Variants in NBAS observed in about 807,000 individuals in gnomAD.
NBAS encodes NBAS subunit of NRZ tethering complex, also known as NAG/BC035112 fusion.
In NBAS, 219 loss-of-function variants were observed where a neutral mutation model predicts 302.5. The observed-to-expected ratio is 0.72, with a 90% CI of 0.65 to 0.81. The LOEUF is 0.81. Among genes scored for constraint, NBAS ranks in the 30% least tolerant of loss-of-function variants. The probability of loss-of-function intolerance (pLI) is 0.00; values close to 1 mark genes in which losing one functional copy is unlikely to be tolerated. For synonymous variants in NBAS, 1,118 were observed against 1,021.6 expected (o/e 1.09, Z -1.80); for missense variants, 2,932 against 2,841.6 (o/e 1.03, Z -0.72).
the NBAS span, among the ~76,000 whole-genome samples, chr2:14,975,986 G>A: frequency 1.3e-5 from 2 of 152,070 alleles, no homozygotes; most frequent in Non-Finnish European, 2.9e-5. Flanking sequence ...ACTGTAAACA[G>A]CTATAAAACT....
At chr2:14,883,586 G>A in the NBAS span, among the ~76,000 whole-genome samples, 2 of 152,132 alleles carry the variant, frequency 1.3e-5, no homozygotes, top group African/African-American at 4.8e-5. Context: ...TTGGAGTCAA[G>A]AAATAAGAAT....
At chr2:15,006,698 C>T in the NBAS span, among the ~76,000 whole-genome samples, 3 of 152,082 alleles carry the variant, frequency 2.0e-5, no homozygotes, top group South Asian at 4.1e-4. Context: ...ATTAAAAATA[C>T]GATTTTTAAA....
the NBAS span, among the ~76,000 whole-genome samples, chr2:14,944,493 T>C: frequency 2.0e-5 from 3 of 152,162 alleles, no homozygotes; most frequent in Non-Finnish European, 4.4e-5. Flanking sequence ...CAGCCCATCA[T>C]TGATACAGCT....
intron 21 of NBAS, among the ~76,000 whole-genome samples, chr2:15,440,232 C>T (rs922832353): frequency 2.6e-5 from 4 of 152,214 alleles, no homozygotes; most frequent in African/African-American, 7.2e-5. Flanking sequence ...CCCTGACCCC[C>T]GAGCAGCCTA....
At chr2:15,486,724 T>G (rs1235882917) in intron 12 of NBAS, among the ~76,000 whole-genome samples, 2 of 152,086 alleles carry the variant, frequency 1.3e-5, no homozygotes, top group Non-Finnish European at 2.9e-5. Context: ...GGTTTTAAGG[T>G]TTTTAAACAA....
chr2:15,015,841 T>C, the NBAS span, among the ~76,000 whole-genome samples: 2 of 151,982 alleles, frequency 1.3e-5, no homozygotes, highest in African/African-American at 2.4e-5. Context: ...AAGAAGGAAG[T>C]CACATTGTCC....
intron 9 of NBAS, 136 bp downstream of exon 9, chr2:15,534,407 T>C (rs1170444403): frequency 2.7e-6 from 2 of 735,010 alleles, no homozygotes; most frequent in Admixed American, 3.9e-5. Context: ...GACAACAGTA[T>C]TATAGATATT....
chr2:15,199,533 T>C (rs1472789768), intron 48 of NBAS, among the ~76,000 whole-genome samples: 1 of 152,168 alleles, frequency 6.6e-6, no homozygotes, highest in African/African-American at 2.4e-5. Flanking sequence ...GAAATTACTA[T>C]AGAATATATT....
At chr2:15,280,943 C>T (rs969015698) in intron 42 of NBAS, among the ~76,000 whole-genome samples, 5 of 152,162 alleles carry the variant, frequency 3.3e-5, no homozygotes, top group East Asian at 1.9e-4. Context: ...CAGCTGAATA[C>T]GTGATTTCTC....
At chr2:15,131,710 C>T in the NBAS span, among the ~76,000 whole-genome samples, 736 of 152,228 alleles carry the variant, frequency 4.8e-3, 6 homozygotes, top group African/African-American at 0.017. Flanking sequence ...AAGAAATACC[C>T]GAGACTGGTA....
At chr2:15,276,734 A>T (rs1195618955) in intron 43 of NBAS, 117 bp downstream of exon 43, 1 of 1,492,010 alleles carries the variant, frequency 6.7e-7, no homozygotes, top group Non-Finnish European at 9.3e-7. Context: ...ATTAGCTTCA[A>T]AATTCTGTGG....
the NBAS span, among the ~76,000 whole-genome samples, chr2:15,108,834 G>T: frequency 6.6e-6 from 1 of 152,064 alleles, no homozygotes. Context: ...TATCATCCAG[G>T]AAGCCAAGTA....
chr2:14,907,082 T>C, the NBAS span, among the ~76,000 whole-genome samples: 1 of 152,220 alleles, frequency 6.6e-6, no homozygotes, highest in Admixed American at 6.5e-5. Flanking sequence ...TGCATTTGCT[T>C]CCTGCGTTTC....
the NBAS span, among the ~76,000 whole-genome samples, chr2:14,789,065 G>A: frequency 2.4e-4 from 37 of 152,334 alleles, no homozygotes; most frequent in South Asian, 8.3e-4. Context: ...CCTCGCTGCC[G>A]CCTTGCAGTT....
At chr2:15,326,914 A>G (rs1231048695) in intron 38 of NBAS, among the ~76,000 whole-genome samples, 2 of 152,158 alleles carry the variant, frequency 1.3e-5, no homozygotes, top group East Asian at 3.9e-4. Flanking sequence ...AATAAGCTAT[A>G]GTATCAGCTT....
chr2:15,520,266 G>T (rs1474635407), intron 9 of NBAS, among the ~76,000 whole-genome samples: 2 of 152,134 alleles, frequency 1.3e-5, no homozygotes, highest in Admixed American at 1.3e-4. Context: ...GCTGGATGTT[G>T]TGACATGTGC....
chr2:15,527,542 C>T (rs945183701), intron 9 of NBAS, among the ~76,000 whole-genome samples: 1 of 152,096 alleles, frequency 6.6e-6, no homozygotes, highest in African/African-American at 2.4e-5. Context: ...AACACTGTGC[C>T]CTCACATGGC....
At chr2:14,990,373 G>A in the NBAS span, among the ~76,000 whole-genome samples, 289 of 151,568 alleles carry the variant, frequency 1.9e-3, 2 homozygotes, top group Non-Finnish European at 2.5e-4. Flanking sequence ...GCAGGGAGCC[G>A]AGATCATGCC....
chr2:15,106,131 T>G, the NBAS span, among the ~76,000 whole-genome samples: 1 of 152,120 alleles, frequency 6.6e-6, no homozygotes, highest in African/African-American at 2.4e-5. Context: ...AAGCTCTAAA[T>G]CAAATGCTGA....
Sources: gnomAD v4.1 joint callset for allele counts (sites outside exome capture counted in the v4.1 genomes callset) on GRCh38, gnomAD v4.1.1 for gene constraint, MANE v1.5 for transcripts, NCBI Gene and HGNC (gene_info 2026-07-23, HGNC 2026-07-21) for gene names.